ENOX1: variants seen among roughly 807,000 people sequenced by gnomAD.
The protein encoded by ENOX1 is ecto-NOX disulfide-thiol exchanger 1.
ENOX1 carries 42 observed loss-of-function variants against 82.5 expected under a neutral mutation model. The ratio of observed to expected loss-of-function variants is 0.51; its 90% CI spans 0.40 to 0.66. The LOEUF (loss-of-function observed/expected upper bound fraction) is 0.66, where lower values mean the gene tolerates loss of function less well. Among genes scored for constraint, ENOX1 ranks in the 30% least tolerant of loss-of-function variants. The probability of loss-of-function intolerance (pLI) is 0.00; values close to 1 mark genes in which losing one functional copy is unlikely to be tolerated. For missense variants in ENOX1, 608 were observed against 811.6 expected (o/e 0.75, Z 3.05); for synonymous variants, 271 against 282.2 (o/e 0.96, Z 0.40).
intron 2 of ENOX1, among the ~76,000 whole-genome samples, chr13:43,522,430 A>G (rs2077810892): frequency 6.6e-6 from 1 of 152,164 alleles, no homozygotes; most frequent in African/African-American, 2.4e-5. Context: ...ATTTCAAAAT[A>G]CAGAAATTTG....
At chr13:43,618,168 G>A (rs2082565640) in intron 2 of ENOX1, among the ~76,000 whole-genome samples, 2 of 152,136 alleles carry the variant, frequency 1.3e-5, no homozygotes, top group Non-Finnish European at 2.9e-5. Context: ...TGTATAGACT[G>A]TGAAGATTTT....
At chr13:43,335,997 C>A (rs79038214) in intron 9 of ENOX1, among the ~76,000 whole-genome samples, 2,234 of 152,216 alleles carry the variant, frequency 0.015, 66 homozygotes, top group African/African-American at 0.051. Flanking sequence ...GCAAATACAG[C>A]CATCAGTACA....
At chr13:43,436,350 T>C (rs2056028401) in intron 3 of ENOX1, among the ~76,000 whole-genome samples, 1 of 152,212 alleles carries the variant, frequency 6.6e-6, no homozygotes. Context: ...AACTAGGTTT[T>C]ACTGCTCAAA....
At chr13:43,415,298 G>A (rs928827223) in intron 3 of ENOX1, among the ~76,000 whole-genome samples, 32 of 148,564 alleles carry the variant, frequency 2.2e-4, no homozygotes, top group Middle Eastern at 3.4e-3. Flanking sequence ...CTCGGAGAGG[G>A]GGATGTGGCA....
intron 5 of ENOX1, among the ~76,000 whole-genome samples, chr13:43,402,397 T>C (rs949164828): frequency 7.2e-5 from 11 of 152,214 alleles, no homozygotes; most frequent in African/African-American, 2.4e-4. Context: ...GCATTTTATG[T>C]AATTATTTAT....
intron 2 of ENOX1, among the ~76,000 whole-genome samples, chr13:43,634,422 ATTC>A (rs754621190): frequency 6.6e-6 from 1 of 152,176 alleles, no homozygotes; most frequent in Admixed American, 6.5e-5. Context: ...GATGGATTTC[ATTC>A]TTCTTCTCCA....
At chr13:43,357,486 C>CA (rs2050227149) in intron 7 of ENOX1, among the ~76,000 whole-genome samples, 1 of 152,104 alleles carries the variant, frequency 6.6e-6, no homozygotes, top group Non-Finnish European at 1.5e-5. Flanking sequence ...CAATACCAAT[C>CA]AAAAACAAAA....
chr13:43,272,495 G>A (rs886738357), intron 12 of ENOX1, among the ~76,000 whole-genome samples: 5 of 152,056 alleles, frequency 3.3e-5, no homozygotes, highest in South Asian at 2.1e-4. Context: ...AGCATTGTTC[G>A]GCTTTCTAAT....
At chr13:43,396,465 C>T (rs1357670132) in intron 5 of ENOX1, among the ~76,000 whole-genome samples, 1 of 152,178 alleles carries the variant, frequency 6.6e-6, no homozygotes, top group Non-Finnish European at 1.5e-5. Flanking sequence ...CTGCAACCTC[C>T]GCCTTCCGGG....
At chr13:43,699,827 A>G (rs948775554) in intron 1 of ENOX1, among the ~76,000 whole-genome samples, 1 of 152,210 alleles carries the variant, frequency 6.6e-6, no homozygotes, top group Non-Finnish European at 1.5e-5. Flanking sequence ...AACAATACAT[A>G]ATAGTTGTAC....
In ENOX1 at chr13:43,326,544, TCAAACAAGA is replaced by T; in HGVS notation, c.1037-28_1037-20del. 6.3e-7 allele frequency: 1 copy of T among 1,596,494 alleles called. No individual in the cohort carries two copies. Among genetic ancestry groups the T allele is most frequent in the Middle Eastern group, 1.7e-4 (1 of 6,014 alleles). Reference sequence around the variant, plus strand: ...TGCTCAACTTTGGTGAACAAGGAAGTCAAACAAGACAAGTAATTTATGTTGTGATCACTA... The same window carrying T: ...TGCTCAACTTTGGTGAACAAGGAAGTCAAGTAATTTATGTTGTGATCACTA... On this transcript the variant is annotated intron_variant, in intron 9 of 16. Transcript: ENST00000690772.
intron 2 of ENOX1, among the ~76,000 whole-genome samples, chr13:43,661,743 C>T (rs17539034): frequency 0.095 from 14,454 of 152,152 alleles, 776 homozygotes; most frequent in Admixed American, 0.16. Flanking sequence ...ACTATAGATA[C>T]AGGCAGCCCA....
At chr13:43,296,706 T>G (rs899124732) in intron 12 of ENOX1, among the ~76,000 whole-genome samples, 2 of 152,202 alleles carry the variant, frequency 1.3e-5, no homozygotes, top group African/African-American at 4.8e-5. Flanking sequence ...TCCTCAGTGC[T>G]TCTGCAACCC....
chr13:43,419,394 CAGTT>C (rs2054839312), intron 3 of ENOX1, among the ~76,000 whole-genome samples: 1 of 151,904 alleles, frequency 6.6e-6, no homozygotes, highest in African/African-American at 2.4e-5. Flanking sequence ...TAACCTTAAA[CAGTT>C]AGTCAAGCAT....
intron 1 of ENOX1, among the ~76,000 whole-genome samples, chr13:43,728,484 G>A (rs569799270): frequency 7.2e-5 from 11 of 152,186 alleles, no homozygotes; most frequent in East Asian, 1.9e-4. Flanking sequence ...CATCTCTCTG[G>A]CATTTAATAC....
intron 5 of ENOX1, among the ~76,000 whole-genome samples, chr13:43,403,869 GAAAA>G (rs2053637328): frequency 6.6e-6 from 1 of 151,952 alleles, no homozygotes; most frequent in South Asian, 2.1e-4. Context: ...TAAAAAGAAA[GAAAA>G]AGAAACAAAA....
chr13:43,534,490 C>T (rs1279564834), intron 2 of ENOX1, among the ~76,000 whole-genome samples: 1 of 152,156 alleles, frequency 6.6e-6, no homozygotes, highest in Admixed American at 6.6e-5. Flanking sequence ...GTTCGCTACC[C>T]CATCCCTTAA....
intron 1 of ENOX1, among the ~76,000 whole-genome samples, chr13:43,763,462 C>G (rs1445265719): frequency 6.6e-6 from 1 of 152,136 alleles, no homozygotes; most frequent in African/African-American, 2.4e-5. Context: ...ACATAAATTT[C>G]TGGAGGACAC....
chr13:43,245,358 A>T (rs2043033043), intron 14 of ENOX1, among the ~76,000 whole-genome samples: 1 of 152,138 alleles, frequency 6.6e-6, no homozygotes, highest in South Asian at 2.1e-4. Context: ...TTCCCTTCAG[A>T]TTCAGGTAGC....
Sources: allele counts gnomAD v4.1 joint callset (sites outside exome capture counted in the v4.1 genomes callset), GRCh38; gene constraint gnomAD v4.1.1; transcripts MANE v1.5; gene names NCBI Gene and HGNC (gene_info 2026-07-23, HGNC 2026-07-21).